Variants in PHF8 observed in about 807,000 individuals in gnomAD.
PHF8 encodes the protein PHD finger protein 8.
A neutral mutation model predicts 74.4 loss-of-function variants in PHF8; 9 were observed. The observed-to-expected ratio is 0.12, with a 90% CI of 0.07 to 0.21. The LOEUF (loss-of-function observed/expected upper bound fraction) is 0.21. Among genes scored for constraint, PHF8 ranks in the 10% least tolerant of loss-of-function variants. PHF8 has a pLI of 1.00. For missense variants in PHF8, 478 were observed against 816.6 expected (o/e 0.59, Z 5.05); for synonymous variants, 311 against 316.6 (o/e 0.98, Z 0.19).
intron 19 of PHF8, among the ~76,000 whole-genome samples, chrX:53,948,493 A>G (rs1557085886): frequency 9.1e-6 from 1 of 109,943 alleles, no homozygotes; most frequent in Admixed American, 9.7e-5. Context: ...GGCTGGTCTT[A>G]AACTCCTGAC....
At position 53,936,705 on chromosome X, in the gene PHF8, C is replaced by T. The variant is rs1557081731; in HGVS notation, c.*2453G>A. The T allele has an allele frequency of 9.1e-6, 1 of 110,433 alleles. No individual in the cohort carries two copies. Among genetic ancestry groups the T allele is most frequent in the East Asian group, 2.8e-4 (1 of 3,549 alleles). 9.1% of individuals were successfully genotyped at this position (110,433 alleles called of 1,213,427 possible). A position where few individuals can be genotyped will look rare whatever the true frequency, so the allele number is the denominator to read the frequency against. On this transcript the variant is annotated 3_prime_UTR_variant, in exon 22 of 22. Transcript: ENST00000338154. ...TTGCCAAGATAAATCACTTTTATCT[C>T]TATAGGAAAGGGAGGATCTAAAAAA...
chrX:54,044,440 G>A lies in PHF8; in HGVS notation c.-771C>T. On this transcript the variant is annotated 5_prime_UTR_variant, in exon 1 of 22. Transcript: ENST00000338154. ...TGGCGGCGCTACCCAGACAACCAAG[G>A]CGACCGCCATCTTATGAGGGCTGGA... The A allele has an allele frequency of 1.3e-6, 1 of 752,624 alleles. No individual in the cohort carries two copies. The highest frequency in any genetic ancestry group is 1.6e-6 in the Non-Finnish European group (1 of 637,254). 62.0% of individuals were successfully genotyped at this position (752,624 alleles called of 1,213,427 possible).
intron 19 of PHF8, among the ~76,000 whole-genome samples, chrX:53,949,828 A>T (rs1215509960): frequency 1.8e-5 from 2 of 108,201 alleles, no homozygotes; most frequent in African/African-American, 6.7e-5. Flanking sequence ...AAAAAAAAAA[A>T]AAAAAAAGAA....
At chrX:53,972,627 G>C (rs1189901574) in intron 18 of PHF8, among the ~76,000 whole-genome samples, 2 of 111,235 alleles carry the variant, frequency 1.8e-5, no homozygotes, top group Admixed American at 9.7e-5. Context: ...CAATTATCTA[G>C]GTACTGAAGG....
At chrX:53,976,135 C>T (rs1411836099) in intron 18 of PHF8, among the ~76,000 whole-genome samples, 1 of 108,987 alleles carries the variant, frequency 9.2e-6, no homozygotes, top group South Asian at 4.0e-4. Context: ...TGAAATCCCA[C>T]CTCTATTAAA....
chrX:54,015,442 C>T (rs1195544897), intron 6 of PHF8, among the ~76,000 whole-genome samples: 2 of 108,196 alleles, frequency 1.8e-5, no homozygotes, highest in Non-Finnish European at 1.9e-5. Flanking sequence ...CGGGTGTGGT[C>T]GCAGGTGCCT....
At chrX:54,005,586 C>CA (rs1274057639) in intron 8 of PHF8, among the ~76,000 whole-genome samples, 1 of 96,138 alleles carries the variant, frequency 1.0e-5, no homozygotes, top group African/African-American at 3.8e-5. Flanking sequence ...AAATCCACAC[C>CA]AAAAAAAACA....
chrX:54,001,720 A>G (rs2065830477), intron 10 of PHF8, among the ~76,000 whole-genome samples: 1 of 111,140 alleles, frequency 9.0e-6, no homozygotes, highest in Admixed American at 9.6e-5. Flanking sequence ...TTTGAGACCA[A>G]TCTGGTCAAC....
chrX:54,010,768 A>G (rs2065971410), intron 8 of PHF8, among the ~76,000 whole-genome samples: 1 of 111,300 alleles, frequency 9.0e-6, no homozygotes, highest in African/African-American at 3.3e-5. Context: ...GTTTAGGGAA[A>G]AAAAGCACTA....
At chrX:53,955,186 G>A (rs2064994669) in intron 19 of PHF8, among the ~76,000 whole-genome samples, 1 of 111,265 alleles carries the variant, frequency 9.0e-6, no homozygotes, top group Non-Finnish European at 1.9e-5. Flanking sequence ...AGTATTAGCA[G>A]TTTTTAGTTG....
intron 14 of PHF8, among the ~76,000 whole-genome samples, chrX:53,990,742 G>A (rs1436053046): frequency 9.0e-6 from 1 of 111,377 alleles, no homozygotes; most frequent in Non-Finnish European, 1.9e-5. Context: ...TTTGTTGTTT[G>A]TGTTCCTACA....
intron 5 of PHF8, among the ~76,000 whole-genome samples, chrX:54,017,176 G>A (rs782541023): frequency 6.2e-5 from 7 of 113,268 alleles, no homozygotes; most frequent in East Asian, 5.6e-4. Context: ...GGGGCTGGGC[G>A]TGGTGGCTCA....
intron 18 of PHF8, among the ~76,000 whole-genome samples, chrX:53,976,500 A>G (rs1311005419): frequency 1.8e-5 from 2 of 109,811 alleles, no homozygotes; most frequent in Admixed American, 9.8e-5. Context: ...GAAAAGATCC[A>G]TTAAATTGAC....
intron 18 of PHF8, among the ~76,000 whole-genome samples, chrX:53,981,106 T>C (rs2149821970): frequency 8.9e-6 from 1 of 112,043 alleles, no homozygotes; most frequent in African/African-American, 3.2e-5. Context: ...CCCAGCTACT[T>C]GGGAGGCCAA....
At chrX:54,001,664 C>T (rs1351186268) in intron 10 of PHF8, among the ~76,000 whole-genome samples, 3 of 111,725 alleles carry the variant, frequency 2.7e-5, no homozygotes, top group African/African-American at 9.8e-5. Context: ...TGCCTGTAAC[C>T]CCAGCAAAAG....
At chrX:53,980,257 T>C (rs1557097573) in intron 18 of PHF8, among the ~76,000 whole-genome samples, 1 of 111,479 alleles carries the variant, frequency 9.0e-6, no homozygotes, top group East Asian at 2.8e-4. Context: ...AGAATGTAAC[T>C]ATATTTAGAG....
intron 18 of PHF8, among the ~76,000 whole-genome samples, chrX:53,980,928 T>C (rs1484106550): frequency 8.9e-6 from 1 of 112,733 alleles, no homozygotes; most frequent in Admixed American, 9.4e-5. Context: ...GAGAAAGATG[T>C]CTGGCTGGGC....
Position 54,042,479 on chromosome X carries a change from C to G in PHF8, c.98+152G>C, listed in dbSNP as rs2066575683. ...AGGAGAAACCAGAGGCTAATGTCAGCTAGGTCCTGTTCTGCAAGGAGAGAT... is the reference window on the plus strand; with the variant it reads ...AGGAGAAACCAGAGGCTAATGTCAGGTAGGTCCTGTTCTGCAAGGAGAGAT... On this transcript the variant is annotated intron_variant, in intron 2 of 21. Transcript: ENST00000338154. The G allele has an allele frequency of 7.9e-6, 4 of 507,690 alleles. No individual in the cohort carries two copies. In the South Asian group the frequency reaches 8.0e-5, roughly 10 times the overall value. 41.8% of individuals were successfully genotyped at this position (507,690 alleles called of 1,213,427 possible). A position where few individuals can be genotyped will look rare whatever the true frequency, so the allele number is the denominator to read the frequency against.
chrX:54,022,245 GC>G lies in PHF8; in HGVS notation c.293+13del. 9.8e-7 allele frequency: 1 copy of G among 1,020,137 alleles called. No individual in the cohort carries two copies. Among genetic ancestry groups the G allele is most frequent in the Non-Finnish European group, 1.4e-6 (1 of 720,703 alleles). The allele number at this position is 1,020,137 out of a possible 1,213,427, so 84.1% of individuals were successfully genotyped here. ...CCCTGGCATTCACCAGCCACTGGAG[GC>G]AGGGTTCCTCACCTGTCAAAAGTCC... On this transcript the variant is annotated intron_variant, in intron 4 of 21. Coordinates refer to ENST00000338154, the MANE Select transcript of PHF8 (RefSeq NM_015107.3).
Sources: allele counts gnomAD v4.1 joint callset (sites outside exome capture counted in the v4.1 genomes callset), GRCh38; gene constraint gnomAD v4.1.1; transcripts MANE v1.5; gene names NCBI Gene and HGNC (gene_info 2026-07-23, HGNC 2026-07-21).